Variants in CIAO1 observed in about 807,000 individuals in gnomAD.
The protein encoded by CIAO1 is probable cytosolic iron-sulfur protein assembly protein CIAO1.
In CIAO1, 32 loss-of-function variants were observed where a neutral mutation model predicts 43.1. The ratio of observed to expected loss-of-function variants is 0.74; its 90% CI spans 0.56 to 1.00. The LOEUF is 1.00. Ranked by LOEUF, CIAO1 falls within the 50% of genes least tolerant of loss-of-function variation. The pLI, the probability that CIAO1 is intolerant of heterozygous loss-of-function variation, is 0.00. For synonymous variants in CIAO1, 183 were observed against 171.4 expected, an observed-to-expected ratio of 1.07 and a Z score of -0.53; for missense variants, 415 against 437.4, an observed-to-expected ratio of 0.95 and a Z score of 0.46.
At chr2:96,270,965 T>C in intron 6 of CIAO1, 146 bp from the exon 7 acceptor site, 1 of 926,300 alleles carries the variant, frequency 1.1e-6, no homozygotes, top group Non-Finnish European at 1.6e-6. Flanking sequence ...GTGATATTTG[T>C]GACTCCTTAT....
Position 96,271,548 on chromosome 2 carries a change from T to A in CIAO1, c.*197T>A. ...TGACATGAGGCCTTCAGTAAAGAGC[T>A]ACAGAACATGAGTACATTGTTATAC... On this transcript the variant is annotated 3_prime_UTR_variant, in exon 7 of 7. Transcript: ENST00000488633. 3.2e-6 allele frequency: 2 copies of A among 621,494 alleles called. No individual in the cohort carries two copies. Among genetic ancestry groups the A allele is most frequent in the East Asian group, 5.7e-5 (2 of 35,344 alleles). 38.5% of individuals were successfully genotyped at this position (621,494 alleles called of 1,614,324 possible).
At chr2:96,268,954 A>T in intron 5 of CIAO1, 3 of 567,876 alleles carry the variant, frequency 5.3e-6, no homozygotes, top group Non-Finnish European at 9.4e-6. Flanking sequence ...GTGGTAATGC[A>T]TTTAAATGGG....
rs1684568524 is a variant in CIAO1 at position 96,272,321 on chromosome 2, TAGA to T, written c.*973_*975del. 1 of 152,244 alleles carries T rather than the reference TAGA, an allele frequency of 6.6e-6. No homozygotes were observed. The highest frequency in any genetic ancestry group is 2.4e-5 in the African/African-American group (1 of 41,462). The allele number at this position is 152,244 out of a possible 1,614,324, so 9.4% of individuals were successfully genotyped here. The stretch of plus-strand genomic sequence containing the variant: ...AAGTTTAAGCTGTGACCTTAGATTT[TAGA>T]AGGACAGTGGGGCTGTACCTAGAAT... On this transcript the variant is annotated 3_prime_UTR_variant, in exon 7 of 7. Coordinates refer to ENST00000488633, the MANE Select transcript of CIAO1 (RefSeq NM_004804.3).
intron 1 of CIAO1, 92 bp downstream of exon 1, chr2:96,266,581 T>G: frequency 8.0e-7 from 1 of 1,242,698 alleles, no homozygotes; most frequent in Non-Finnish European, 1.0e-6. Flanking sequence ...GCTGAACCTG[T>G]TCCTGGCGGA....
chr2:96,269,153 G>A lies in CIAO1; in HGVS notation c.692-115G>A, dbSNP rs114072902. On this transcript the variant is annotated intron_variant, in intron 5 of 6. Transcript: ENST00000488633. ...GATAAGCAGGGATGGGGACACGAAC[G>A]GAGACACAGACTCATAATCAGTTGA... 8,178 of 856,446 alleles carry A rather than the reference G, an allele frequency of 9.5e-3. 136 individuals carry two copies. Among genetic ancestry groups the A allele is most frequent in the East Asian group, 0.049 (1,965 of 40,438 alleles). 53.1% of individuals were successfully genotyped at this position (856,446 alleles called of 1,614,324 possible). A position where few individuals can be genotyped will look rare whatever the true frequency, so the allele number is the denominator to read the frequency against.
intron 6 of CIAO1, 148 bp from the exon 7 acceptor site, chr2:96,270,963 T>G: frequency 1.1e-6 from 1 of 908,714 alleles, no homozygotes; most frequent in Non-Finnish European, 1.7e-6. Context: ...GGGTGATATT[T>G]GTGACTCCTT....
Position 96,271,174 on chromosome 2 carries a change from G to A in CIAO1, c.843G>A (p.Glu281=). The A allele has an allele frequency of 1.2e-6, 2 of 1,614,214 alleles. No homozygotes were observed. Among genetic ancestry groups the A allele is most frequent in the Non-Finnish European group, 1.7e-6 (2 of 1,180,038 alleles). Residue 281 remains glutamate, a synonymous_variant, in exon 7 of 7, where the codon GAG becomes GAA. Coordinates refer to ENST00000488633, the MANE Select transcript of CIAO1 (RefSeq NM_004804.3). The part of the protein sequence containing the change: ...CGDDAIRVFQ[E]DPNSDPQQPT... The stretch of plus-strand genomic sequence containing the variant: ...ATGACGCGATCCGCGTGTTTCAGGA[G>A]GATCCCAACTCGGATCCACAGCAGC...
At chr2:96,269,589 C>A (rs1684506192) in intron 6 of CIAO1, among the ~76,000 whole-genome samples, 1 of 152,180 alleles carries the variant, frequency 6.6e-6, no homozygotes, top group Non-Finnish European at 1.5e-5. Flanking sequence ...TAGAGGTTCG[C>A]ACAGCTCGTG....
chr2:96,271,060 C>G (rs1684540054), intron 6 of CIAO1, 51 bp from the exon 7 acceptor site: 1 of 1,607,132 alleles, frequency 6.2e-7, no homozygotes, highest in East Asian at 2.2e-5. Context: ...TGGAACAGGT[C>G]TCTCTGGCCT....
At position 96,267,335 on chromosome 2, in the gene CIAO1, T is replaced by G. The variant is rs755279284; in HGVS notation, c.154T>G (p.Cys52Gly). Reference protein sequence around the residue: ...IWGTEGDSWICKSVLSEGHQR... With the variant: ...IWGTEGDSWIGKSVLSEGHQR... Reference sequence around the variant, plus strand: ...TCCGCCTTTAGGTGACAGCTGGATCTGCAAGTCTGTCCTTTCTGAAGGCCA... The same window carrying G: ...TCCGCCTTTAGGTGACAGCTGGATCGGCAAGTCTGTCCTTTCTGAAGGCCA... Residue 52 changes from cysteine to glycine, a missense_variant, in exon 2 of 7, where the codon TGC becomes GGC. Physicochemically the swap from Cys to Gly is radical, Grantham distance 159. Coordinates refer to ENST00000488633, the MANE Select transcript of CIAO1 (RefSeq NM_004804.3). 6.2e-7 allele frequency: 1 copy of G among 1,613,300 alleles called. No homozygotes were observed. Among genetic ancestry groups the G allele is most frequent in the Non-Finnish European group, 8.5e-7 (1 of 1,179,364 alleles).
intron 4 of CIAO1, among the ~76,000 whole-genome samples, 188 bp from the exon 5 acceptor site, chr2:96,268,269 T>C (rs1006568040): frequency 2.0e-5 from 3 of 152,220 alleles, no homozygotes; most frequent in Non-Finnish European, 4.4e-5. Flanking sequence ...GGAGAATCAC[T>C]TGAACCCAGG....
intron 2 of CIAO1, 72 bp downstream of exon 2, chr2:96,267,541 C>A: frequency 6.2e-7 from 1 of 1,608,874 alleles, no homozygotes; most frequent in Non-Finnish European, 8.5e-7. Context: ...CCTGAGCCAA[C>A]CTGCGCCAGT....
At chr2:96,270,989 A>G in intron 6 of CIAO1, 122 bp from the exon 7 acceptor site, 2 of 1,250,712 alleles carry the variant, frequency 1.6e-6, no homozygotes, top group South Asian at 1.4e-5. Flanking sequence ...TTAAGGAAAC[A>G]TTTTAATAAG....
Position 96,271,425 on chromosome 2 carries a change from C to A in CIAO1, c.*74C>A. The A allele has an allele frequency of 6.5e-7, 1 of 1,535,364 alleles. No individual in the cohort carries two copies. Among genetic ancestry groups the A allele is most frequent in the Non-Finnish European group, 8.8e-7 (1 of 1,134,904 alleles). On this transcript the variant is annotated 3_prime_UTR_variant, in exon 7 of 7. Transcript: ENST00000488633. ...AAGACTTTACCAGCCCCTGAGAGGA[C>A]CAGGAGGAGCATCCTTGACCTTCAT...
Position 96,272,032 on chromosome 2 carries a change from G to A in CIAO1, c.*681G>A, listed in dbSNP as rs190914329. 2 of 152,232 alleles carry A rather than the reference G, an allele frequency of 1.3e-5. No homozygotes were observed. The highest frequency in any genetic ancestry group is 1.3e-4 in the Admixed American group (2 of 15,290). 9.4% of individuals were successfully genotyped at this position (152,232 alleles called of 1,614,324 possible). The stretch of plus-strand genomic sequence containing the variant: ...GTATTCTCAACAGGGATGCAAATTG[G>A]TTCTTCAGTAAGGATAAAAAAAAAT... On this transcript the variant is annotated 3_prime_UTR_variant, in exon 7 of 7. Coordinates refer to ENST00000488633, the MANE Select transcript of CIAO1 (RefSeq NM_004804.3).
intron 6 of CIAO1, 33 bp from the exon 7 acceptor site, chr2:96,271,074 TAGTC>T (rs916600481): frequency 5.0e-6 from 8 of 1,612,114 alleles, no homozygotes; most frequent in Middle Eastern, 1.6e-4. Context: ...CTGGCCTAAT[TAGTC>T]AGGTATACCC....
At chr2:96,269,900 C>T (rs1026541157) in intron 6 of CIAO1, among the ~76,000 whole-genome samples, 1 of 152,076 alleles carries the variant, frequency 6.6e-6, no homozygotes, top group African/African-American at 2.4e-5. Flanking sequence ...CCACCTTGGC[C>T]TCCCAAAGTG....
At chr2:96,270,770 A>C (rs942058217) in intron 6 of CIAO1, among the ~76,000 whole-genome samples, 2 of 149,074 alleles carry the variant, frequency 1.3e-5, no homozygotes, top group African/African-American at 5.0e-5. Context: ...AGATTGTGCC[A>C]CTGCACTCCA....
chr2:96,271,461 T>G lies in CIAO1; in HGVS notation c.*110T>G. On this transcript the variant is annotated 3_prime_UTR_variant, in exon 7 of 7. Coordinates refer to ENST00000488633, the MANE Select transcript of CIAO1 (RefSeq NM_004804.3). ...ATCCTTGACCTTCATTTAACTTGGC[T>G]CACTTCTCTTCAGACTTGGGTAGAA... 1 of 1,339,860 alleles carries G rather than the reference T, an allele frequency of 7.5e-7. No homozygotes were observed. The highest frequency in any genetic ancestry group is 1.0e-6 in the Non-Finnish European group (1 of 989,710). The allele number at this position is 1,339,860 out of a possible 1,614,324, so 83.0% of individuals were successfully genotyped here. A position where few individuals can be genotyped will look rare whatever the true frequency, so the allele number is the denominator to read the frequency against.
Sources: gnomAD v4.1 joint callset for allele counts (sites outside exome capture counted in the v4.1 genomes callset) on GRCh38, gnomAD v4.1.1 for gene constraint, MANE v1.5 for transcripts, NCBI Gene and HGNC (gene_info 2026-07-23, HGNC 2026-07-21) for gene names.